FRMD3: variants seen among roughly 807,000 people sequenced by gnomAD.
FRMD3 encodes FERM domain containing 3.
Under a neutral mutation model 70.2 loss-of-function variants are expected in FRMD3, and 33 were observed. That is an observed-to-expected ratio of 0.47 (90% CI 0.36 to 0.63). The LOEUF (loss-of-function observed/expected upper bound fraction) is 0.63, where lower values mean the gene tolerates loss of function less well. FRMD3 is among the 20% of genes least tolerant of loss of function. The pLI is 0.00. For synonymous variants in FRMD3, 279 were observed against 255.9 expected (o/e 1.09, Z -0.86); for missense variants, 632 against 711.4 (o/e 0.89, Z 1.27).
At chr9:83,489,005 T>C (rs1293701211) in intron 1 of FRMD3, among the ~76,000 whole-genome samples, 1 of 144,220 alleles carries the variant, frequency 6.9e-6, no homozygotes, top group African/African-American at 2.9e-5. Flanking sequence ...TGTGTGTGTG[T>C]GTGTGTGTGT....
chr9:83,572,151 GTGT>G, the FRMD3 span, among the ~76,000 whole-genome samples: 1 of 86,852 alleles, frequency 1.2e-5, no homozygotes, highest in African/African-American at 1.1e-4. Context: ...TTTTTGAGGT[GTGT>G]GTGTGTGTGT....
At chr9:83,567,845 G>T in the FRMD3 span, among the ~76,000 whole-genome samples, 15 of 152,144 alleles carry the variant, frequency 9.9e-5, no homozygotes, top group Admixed American at 3.3e-4. Flanking sequence ...CAAATCTCTA[G>T]GAGGTTCCAA....
At chr9:83,411,573 C>G (rs781425244) in intron 1 of FRMD3, among the ~76,000 whole-genome samples, 2 of 152,198 alleles carry the variant, frequency 1.3e-5, no homozygotes, top group Non-Finnish European at 2.9e-5. Flanking sequence ...CTTTGTAAAA[C>G]TAGAGTGTCT....
At position 83,416,770 on chromosome 9, in the gene FRMD3, T is replaced by A. The variant is rs1047288737; in HGVS notation, c.148-27062A>T. Reference sequence around the variant, plus strand: ...GTCTCTCTCTCTCTCTCTCTCTCTCTCTCTCTCTCTCTCTCTCACTCTCTC... The same window carrying A: ...GTCTCTCTCTCTCTCTCTCTCTCTCACTCTCTCTCTCTCTCTCACTCTCTC... On this transcript the variant is annotated intron_variant, in intron 1 of 13. Coordinates refer to ENST00000304195, the MANE Select transcript of FRMD3 (RefSeq NM_174938.6). Among the ~76,000 whole-genome samples the A allele has an allele frequency of 5.8e-3, 729 of 124,786 alleles. 3 individuals are homozygous for A. Among genetic ancestry groups the A allele is most frequent in the African/African-American group, 0.023 (689 of 29,884 alleles). The allele number at this position is 124,786 out of a possible 152,430, so 81.9% of individuals were successfully genotyped here. A position where few individuals can be genotyped will look rare whatever the true frequency, so the allele number is the denominator to read the frequency against.
chr9:83,395,560 C>T (rs1825790026), intron 1 of FRMD3, among the ~76,000 whole-genome samples: 1 of 152,114 alleles, frequency 6.6e-6, no homozygotes, highest in Non-Finnish European at 1.5e-5. Flanking sequence ...TTAGCTCCCA[C>T]TTATAAGTGA....
intron 4 of FRMD3, among the ~76,000 whole-genome samples, chr9:83,346,849 C>T (rs954754228): frequency 5.3e-5 from 8 of 152,132 alleles, no homozygotes; most frequent in African/African-American, 1.9e-4. Flanking sequence ...AACAAGTTCC[C>T]AGGGGATGCT....
chr9:83,564,648 T>C, the FRMD3 span, among the ~76,000 whole-genome samples: 122,328 of 152,206 alleles, frequency 0.8, 49,828 homozygotes, highest in African/African-American at 0.94. Flanking sequence ...CCATGTTGAA[T>C]TGCCAGATAT....
intron 1 of FRMD3, among the ~76,000 whole-genome samples, chr9:83,482,206 C>T (rs538542145): frequency 6.6e-6 from 1 of 152,194 alleles, no homozygotes. Flanking sequence ...TTGGAAGTAG[C>T]ACCCCATCTG....
intron 1 of FRMD3, among the ~76,000 whole-genome samples, chr9:83,523,537 G>A (rs921461639): frequency 7.9e-5 from 12 of 152,084 alleles, no homozygotes; most frequent in Non-Finnish European, 1.5e-4. Flanking sequence ...AGAAAGGTTG[G>A]GGAAAGGAAA....
At chr9:83,559,477 T>C in the FRMD3 span, among the ~76,000 whole-genome samples, 1 of 152,236 alleles carries the variant, frequency 6.6e-6, no homozygotes, top group Non-Finnish European at 1.5e-5. Flanking sequence ...CTTATTGCAA[T>C]ATTTGCTTTA....
the FRMD3 span, among the ~76,000 whole-genome samples, chr9:83,578,179 G>A: frequency 1.1e-4 from 17 of 151,812 alleles, no homozygotes; most frequent in East Asian, 1.4e-3. Context: ...AGCTGAATCC[G>A]TAATAAAAAA....
intron 6 of FRMD3, 75 bp downstream of exon 6, chr9:83,335,441 G>A (rs1334583331): frequency 7.0e-7 from 1 of 1,428,762 alleles, no homozygotes; most frequent in Non-Finnish European, 9.7e-7. Context: ...CCTTCACGAT[G>A]TGATTTCCAC....
chr9:83,511,023 C>A (rs1356001365), intron 1 of FRMD3, among the ~76,000 whole-genome samples: 2 of 152,108 alleles, frequency 1.3e-5, no homozygotes, highest in Non-Finnish European at 2.9e-5. Flanking sequence ...TGTATTAGAT[C>A]CCAATAAAGC....
At chr9:83,473,362 C>T (rs1189250871) in intron 1 of FRMD3, among the ~76,000 whole-genome samples, 1 of 152,186 alleles carries the variant, frequency 6.6e-6, no homozygotes, top group Non-Finnish European at 1.5e-5. Flanking sequence ...GACTCCGGTC[C>T]AGTCCTCCCC....
intron 1 of FRMD3, among the ~76,000 whole-genome samples, chr9:83,507,674 A>C (rs1332745100): frequency 8.2e-6 from 1 of 121,694 alleles, no homozygotes; most frequent in Admixed American, 9.4e-5. Context: ...CGTCTCAAAC[A>C]AAAAAAAATA....
intron 6 of FRMD3, among the ~76,000 whole-genome samples, chr9:83,324,078 G>A (rs1387239797): frequency 6.6e-6 from 1 of 152,186 alleles, no homozygotes; most frequent in Non-Finnish European, 1.5e-5. Context: ...TAAAACATGG[G>A]AAGTTCATAT....
intron 5 of FRMD3, among the ~76,000 whole-genome samples, chr9:83,336,081 T>G (rs1361937805): frequency 6.6e-6 from 1 of 152,128 alleles, no homozygotes; most frequent in African/African-American, 2.4e-5. Flanking sequence ...ATACAGGATT[T>G]CAGTTAGATA....
chr9:83,276,571 C>G lies in FRMD3; in HGVS notation c.1195+14032G>C, dbSNP rs970393205. ...TCAAGAAGCTAGAGGTAGCAGAACCCAATCCTTACACCCAAAACACTAGCC... is the reference window on the plus strand; with the variant it reads ...TCAAGAAGCTAGAGGTAGCAGAACCGAATCCTTACACCCAAAACACTAGCC... On this transcript the variant is annotated intron_variant, in intron 13 of 13. Coordinates refer to ENST00000304195, the MANE Select transcript of FRMD3 (RefSeq NM_174938.6). 6 of 152,124 alleles carry G rather than the reference C, an allele frequency of 3.9e-5. No individual in the cohort carries two copies. In the East Asian group the frequency reaches 1.2e-3, roughly 29 times the overall value. The allele number at this position is 152,124 out of a possible 1,614,324, so 9.4% of individuals were successfully genotyped here.
At chr9:83,485,805 C>A (rs920461384) in intron 1 of FRMD3, among the ~76,000 whole-genome samples, 11 of 152,134 alleles carry the variant, frequency 7.2e-5, no homozygotes, top group Admixed American at 1.3e-4. Flanking sequence ...CATTCACATA[C>A]ATATATGCAC....
Sources: gnomAD v4.1 joint callset for allele counts (sites outside exome capture counted in the v4.1 genomes callset) on GRCh38, gnomAD v4.1.1 for gene constraint, MANE v1.5 for transcripts, NCBI Gene and HGNC (gene_info 2026-07-23, HGNC 2026-07-21) for gene names.